PIGL: variants seen among roughly 807,000 people sequenced by gnomAD.
PIGL encodes phosphatidylinositol glycan anchor biosynthesis class L, also known as N-acetylglucosaminyl-phosphatidylinositol de-N-acetylase.
PIGL carries 22 observed loss-of-function variants against 31.1 expected under a neutral mutation model. The observed-to-expected ratio is 0.71, with a 90% confidence interval of 0.51 to 1.01. PIGL has a LOEUF of 1.01. PIGL is among the 50% of genes least tolerant of loss of function. The probability of loss-of-function intolerance (pLI) is 0.00; values close to 1 mark genes in which losing one functional copy is unlikely to be tolerated. For missense variants in PIGL, 302 were observed against 315.9 expected, an observed-to-expected ratio of 0.96 and a Z score of 0.33; for synonymous variants, 131 against 117.4, an observed-to-expected ratio of 1.12 and a Z score of -0.75.
At chr17:16,229,129 T>C (rs1418913355) in intron 1 of PIGL, among the ~76,000 whole-genome samples, 1 of 151,966 alleles carries the variant, frequency 6.6e-6, no homozygotes, top group Non-Finnish European at 1.5e-5. Context: ...ATAAAAAAAT[T>C]AGCCAGTCTG....
At chr17:16,267,628 C>T (rs572447238) in intron 2 of PIGL, among the ~76,000 whole-genome samples, 36 of 150,434 alleles carry the variant, frequency 2.4e-4, no homozygotes, top group Non-Finnish European at 4.1e-4. Flanking sequence ...CACTTGAACC[C>T]AGACTGCAGT....
intron 2 of PIGL, among the ~76,000 whole-genome samples, chr17:16,280,692 CAG>C (rs1188092600): frequency 2.6e-5 from 4 of 151,902 alleles, no homozygotes; most frequent in African/African-American, 7.3e-5. Context: ...AGGGTTCACT[CAG>C]TGTTTTTTTT....
At chr17:16,284,400 T>A (rs1010271374) in intron 2 of PIGL, among the ~76,000 whole-genome samples, 11 of 152,160 alleles carry the variant, frequency 7.2e-5, no homozygotes, top group Admixed American at 2.0e-4. Context: ...ACAAAGATGA[T>A]AGCAGCCCCT....
chr17:16,217,414 G>T lies in PIGL; in HGVS notation c.188G>T (p.Gly63Val), dbSNP rs753435249. 1 of 1,614,198 alleles carries T rather than the reference G, an allele frequency of 6.2e-7. No individual in the cohort carries two copies. Residue 63 changes from glycine (G) to valine (V), a missense_variant, in exon 1 of 7, where the codon GGC becomes GTC. By Grantham distance (109) the Gly-to-Val change is moderately radical. Transcript: ENST00000225609. ...EAMFFAPTVL[G>V]LARLRHWVYL... ...ATGTTTTTTGCTCCCACAGTGCTAG[G>T]CTTGGCCCGCCTAAGGCACTGGGTG... is the stretch of plus-strand genomic sequence containing the variant.
chr17:16,290,942 A>C (rs2092957781), intron 2 of PIGL, among the ~76,000 whole-genome samples: 2 of 152,160 alleles, frequency 1.3e-5, no homozygotes, highest in African/African-American at 4.8e-5. Flanking sequence ...GGCCTCCCAG[A>C]GTGCTGAGAT....
At chr17:16,247,752 C>A (rs904453378) in intron 2 of PIGL, among the ~76,000 whole-genome samples, 1 of 152,170 alleles carries the variant, frequency 6.6e-6, no homozygotes, top group South Asian at 2.1e-4. Context: ...AGGCTTCTTT[C>A]GTCCCACCCG....
intron 2 of PIGL, among the ~76,000 whole-genome samples, chr17:16,242,481 T>C (rs1174971314): frequency 6.6e-6 from 1 of 152,122 alleles, no homozygotes; most frequent in African/African-American, 2.4e-5. Flanking sequence ...TATGTAGCTT[T>C]ATTGATTTTT....
intron 3 of PIGL, among the ~76,000 whole-genome samples, chr17:16,308,760 T>C (rs1455663177): frequency 6.8e-6 from 1 of 146,050 alleles, no homozygotes; most frequent in Non-Finnish European, 1.5e-5. Context: ...ATACTACTTA[T>C]ACACTAATTT....
intron 3 of PIGL, among the ~76,000 whole-genome samples, chr17:16,307,509 C>A (rs2093030987): frequency 6.6e-6 from 1 of 152,212 alleles, no homozygotes. Flanking sequence ...TCTTTACTAT[C>A]ATGAAGGAAA....
chr17:16,291,736 G>T (rs1213106049), intron 2 of PIGL, among the ~76,000 whole-genome samples: 1 of 151,480 alleles, frequency 6.6e-6, no homozygotes, highest in Non-Finnish European at 1.5e-5. Context: ...ATGATGGCGG[G>T]TGCCTGTAAT....
chr17:16,239,906 C>T (rs2142698769), intron 2 of PIGL, among the ~76,000 whole-genome samples: 1 of 152,166 alleles, frequency 6.6e-6, no homozygotes, highest in Middle Eastern at 3.4e-3. Flanking sequence ...AGGTGTGGGC[C>T]ACCATGCCTG....
At chr17:16,262,360 A>G (rs915357378) in intron 2 of PIGL, among the ~76,000 whole-genome samples, 1 of 152,266 alleles carries the variant, frequency 6.6e-6, no homozygotes, top group African/African-American at 2.4e-5. Flanking sequence ...AGTGGAATGC[A>G]AATCCAAACC....
intron 2 of PIGL, among the ~76,000 whole-genome samples, chr17:16,291,521 A>AAAAG (rs375596278): frequency 0.35 from 48,171 of 138,376 alleles, 10,328 homozygotes; most frequent in East Asian, 0.69. Context: ...AAAAAAAAAA[A>AAAAG]AAAGAAAGAA....
chr17:16,230,472 T>C lies in PIGL; in HGVS notation c.236-3499T>C, dbSNP rs952267092. 2.0e-5 allele frequency among the ~76,000 whole-genome samples: 3 copies of C among 152,224 alleles called. No homozygotes were observed. In the East Asian group the frequency reaches 5.8e-4, roughly 29 times the overall value. ...ATAGATCTTGACATAGCATCTAAAT[T>C]CCCTCATTTTATAGGGGAAGAAACT... On this transcript the variant is annotated intron_variant, in intron 1 of 6. Transcript: ENST00000225609.
At chr17:16,304,315 G>A (rs1286559006) in intron 3 of PIGL, among the ~76,000 whole-genome samples, 1 of 152,210 alleles carries the variant, frequency 6.6e-6, no homozygotes, top group Non-Finnish European at 1.5e-5. Context: ...GCACCAGGAT[G>A]AGAGCATAAG....
intron 2 of PIGL, among the ~76,000 whole-genome samples, chr17:16,297,170 T>C (rs530595730): frequency 1.9e-4 from 29 of 152,370 alleles, no homozygotes; most frequent in African/African-American, 6.5e-4. Flanking sequence ...AAAGTAATGA[T>C]GCTTTATCAG....
chr17:16,298,291 G>A (rs534972033), intron 2 of PIGL, among the ~76,000 whole-genome samples: 2 of 152,302 alleles, frequency 1.3e-5, no homozygotes, highest in South Asian at 2.1e-4. Flanking sequence ...TCCATAGGGA[G>A]GTGATAACAG....
chr17:16,282,171 C>A, intron 2 of PIGL: 1 of 416,926 alleles, frequency 2.4e-6, no homozygotes, highest in East Asian at 7.6e-5. Flanking sequence ...CCCAAATTTC[C>A]TTCAGCTTTG....
intron 6 of PIGL, 147 bp from the exon 7 acceptor site, chr17:16,325,653 T>A: frequency 1.6e-6 from 1 of 641,910 alleles, no homozygotes; most frequent in Non-Finnish European, 2.7e-6. Context: ...CCAGAGAGGT[T>A]CGTGGGTTAC....
Sources: allele counts gnomAD v4.1 joint callset (sites outside exome capture counted in the v4.1 genomes callset), GRCh38; gene constraint gnomAD v4.1.1; transcripts MANE v1.5; gene names NCBI Gene and HGNC (gene_info 2026-07-23, HGNC 2026-07-21).